The following PLA2G4E variants were observed in gnomAD, a reference collection of about 807,000 sequenced individuals.
PLA2G4E encodes the protein phospholipase A2 group IVE.
A neutral mutation model predicts 109.1 loss-of-function variants in PLA2G4E; 84 were observed. The observed-to-expected ratio is 0.77, with a 90% CI of 0.65 to 0.92. The LOEUF (loss-of-function observed/expected upper bound fraction) is 0.92, where lower values mean the gene tolerates loss of function less well. Among genes scored for constraint, PLA2G4E ranks in the 40% least tolerant of loss-of-function variants. The pLI is 0.00. For missense variants in PLA2G4E, 1,057 were observed against 1,076.6 expected, an observed-to-expected ratio of 0.98 and a Z score of 0.25; for synonymous variants, 469 against 436.1, an observed-to-expected ratio of 1.08 and a Z score of -0.94.
intron 1 of PLA2G4E, among the ~76,000 whole-genome samples, chr15:42,033,368 G>A (rs1595576703): frequency 1.3e-5 from 2 of 152,168 alleles, no homozygotes; most frequent in Non-Finnish European, 1.5e-5. Context: ...GATTTTTTCA[G>A]TGCCACACTG....
At chr15:42,021,426 C>T (rs138058973) in intron 1 of PLA2G4E, among the ~76,000 whole-genome samples, 2 of 151,952 alleles carry the variant, frequency 1.3e-5, no homozygotes, top group East Asian at 2.0e-4. Flanking sequence ...TAGGAGGATG[C>T]GACCGTCGCT....
chr15:42,046,168 G>A, intron 1 of PLA2G4E, among the ~76,000 whole-genome samples: 1 of 152,066 alleles, frequency 6.6e-6, no homozygotes, highest in East Asian at 1.9e-4. Flanking sequence ...TTCTCACTTG[G>A]CCCGCACTTC....
exon 20 of PLA2G4E, chr15:41,983,571 C>G: frequency 1.6e-6 from 1 of 608,442 alleles, no homozygotes; most frequent in East Asian, 2.8e-5. Flanking sequence ...GAGCTCCTCT[C>G]TCTCTCTTTC....
chr15:41,982,150 C>A (rs1945621908), exon 20 of PLA2G4E: 1 of 152,180 alleles, frequency 6.6e-6, no homozygotes, highest in African/African-American at 2.4e-5. Context: ...TCCTCACAAC[C>A]CAAAGACTGC....
At chr15:42,021,975 T>C (rs2068653086) in intron 1 of PLA2G4E, among the ~76,000 whole-genome samples, 1 of 152,206 alleles carries the variant, frequency 6.6e-6, no homozygotes, top group Admixed American at 6.5e-5. Context: ...TTCCAGAAAG[T>C]GGAGGGGCCT....
chr15:42,040,841 T>C (rs72727703), intron 1 of PLA2G4E, among the ~76,000 whole-genome samples: 13,300 of 152,284 alleles, frequency 0.087, 603 homozygotes, highest in South Asian at 0.13. Flanking sequence ...GTATGGTGTA[T>C]AACTTGGGCA....
At chr15:42,033,912 A>G (rs1256397699) in intron 1 of PLA2G4E, among the ~76,000 whole-genome samples, 1 of 152,148 alleles carries the variant, frequency 6.6e-6, no homozygotes, top group East Asian at 1.9e-4. Flanking sequence ...ACCTCTCTCA[A>G]CTGCTATTTC....
At chr15:41,993,521 C>T (rs2068286006) in intron 12 of PLA2G4E, among the ~76,000 whole-genome samples, 1 of 152,120 alleles carries the variant, frequency 6.6e-6, no homozygotes, top group Non-Finnish European at 1.5e-5. Context: ...CTGATGTTGA[C>T]TGAGGATTTA....
intron 1 of PLA2G4E, among the ~76,000 whole-genome samples, chr15:42,021,744 C>T (rs2068650719): frequency 6.6e-6 from 1 of 152,194 alleles, no homozygotes; most frequent in African/African-American, 2.4e-5. Flanking sequence ...CACTGAGGGG[C>T]CTGACAAGGG....
At chr15:42,009,377 A>T (rs760423927) in intron 2 of PLA2G4E, among the ~76,000 whole-genome samples, 86 of 152,076 alleles carry the variant, frequency 5.7e-4, no homozygotes, top group Non-Finnish European at 1.1e-3. Context: ...CCTGGTGTAG[A>T]CCACCATAAT....
In PLA2G4E at chr15:41,985,810, C is replaced by G. The variant is rs774285491; in HGVS notation, c.2202+29G>C. 113 of 1,594,620 alleles carry G rather than the reference C, an allele frequency of 7.1e-5. 2 individuals carry two copies. In the South Asian group the frequency reaches 1.1e-3, roughly 16 times the overall value. On this transcript the variant is annotated intron_variant, in intron 18 of 19. Transcript: ENST00000399518. Reference sequence around the variant, plus strand: ...GCCCATCTTAGGAGAGGCTGCAGCCCATGCTCAGGAGGGAGGCTGCGCACT... The same window carrying G: ...GCCCATCTTAGGAGAGGCTGCAGCCGATGCTCAGGAGGGAGGCTGCGCACT...
chr15:42,007,405 C>A (rs961700218), intron 3 of PLA2G4E, among the ~76,000 whole-genome samples: 5 of 152,210 alleles, frequency 3.3e-5, no homozygotes, highest in African/African-American at 1.2e-4. Context: ...TAGAATGGTT[C>A]TTTCACTCTG....
At chr15:42,036,085 A>G (rs1006196783) in intron 1 of PLA2G4E, among the ~76,000 whole-genome samples, 3 of 152,208 alleles carry the variant, frequency 2.0e-5, no homozygotes, top group Non-Finnish European at 4.4e-5. Flanking sequence ...GTTGTGACCT[A>G]TTCCACAACT....
chr15:42,046,264 G>GTTAAAGCCCTCCATGGGCTCCCCCTGTC (rs1889413976), intron 1 of PLA2G4E, among the ~76,000 whole-genome samples: 6 of 152,218 alleles, frequency 3.9e-5, no homozygotes, highest in Admixed American at 3.9e-4. Flanking sequence ...CAGTCCTCAG[G>GTTAAAGCCCTCCATGGGCTCCCCCTGTC]TTAAAGCCCT....
intron 2 of PLA2G4E, among the ~76,000 whole-genome samples, 179 bp downstream of exon 2, chr15:42,013,506 C>T (rs2068558163): frequency 1.3e-5 from 2 of 152,220 alleles, no homozygotes; most frequent in Non-Finnish European, 2.9e-5. Context: ...TGAACTACAA[C>T]TTGAGTATAG....
intron 1 of PLA2G4E, among the ~76,000 whole-genome samples, chr15:42,018,527 G>A (rs1221163281): frequency 1.3e-5 from 2 of 152,148 alleles, no homozygotes; most frequent in African/African-American, 4.8e-5. Context: ...GAGGGCCCTG[G>A]GGTAAGGACC....
At chr15:42,006,708 T>A (rs2068480936) in intron 3 of PLA2G4E, among the ~76,000 whole-genome samples, 1 of 152,178 alleles carries the variant, frequency 6.6e-6, no homozygotes. Flanking sequence ...AACTCTGAGG[T>A]CAGTGTTCTC....
intron 1 of PLA2G4E, among the ~76,000 whole-genome samples, chr15:42,041,870 C>T (rs1889322001): frequency 6.6e-6 from 1 of 152,184 alleles, no homozygotes. Flanking sequence ...CAGATGCATT[C>T]TTTAGCCTGG....
chr15:42,020,404 ACCCAGAGGTCTCC>A (rs886274776), intron 1 of PLA2G4E, among the ~76,000 whole-genome samples: 3 of 152,152 alleles, frequency 2.0e-5, no homozygotes, highest in African/African-American at 7.2e-5. Flanking sequence ...TGATCCATGA[ACCCAGAGGTCTCC>A]CTGTGAGGCT....
Sources: gnomAD v4.1 joint callset for allele counts (sites outside exome capture counted in the v4.1 genomes callset) on GRCh38, gnomAD v4.1.1 for gene constraint, MANE v1.5 for transcripts, NCBI Gene and HGNC (gene_info 2026-07-23, HGNC 2026-07-21) for gene names.